The following KIAA1217 variants were observed in gnomAD, a reference collection of about 807,000 sequenced individuals.
The protein encoded by KIAA1217 is KIAA1217.
A neutral mutation model predicts 163.9 loss-of-function variants in KIAA1217; 88 were observed. The ratio of observed to expected loss-of-function variants is 0.54; its 90% CI spans 0.45 to 0.64. KIAA1217 has a LOEUF of 0.64. Ranked by LOEUF, KIAA1217 falls within the 30% of genes least tolerant of loss-of-function variation. The probability of loss-of-function intolerance (pLI) is 0.00; values close to 1 mark genes in which losing one functional copy is unlikely to be tolerated. For synonymous variants in KIAA1217, 903 were observed against 923.1 expected (o/e 0.98, Z 0.39); for missense variants, 2,372 against 2,475.0 (o/e 0.96, Z 0.88).
chr10:24,183,720 A>G (rs2066288764), intron 2 of KIAA1217, among the ~76,000 whole-genome samples: 2 of 152,186 alleles, frequency 1.3e-5, no homozygotes, highest in South Asian at 4.1e-4. Context: ...GGAAACAACC[A>G]TTTATTCCCA....
In KIAA1217 at chr10:24,082,487, C is replaced by G. The variant is rs1168602155; in HGVS notation, c.-171+75113C>G. On this transcript the variant is annotated intron_variant, in intron 2 of 18. Coordinates refer to the KIAA1217 transcript ENST00000376462. ...TTCAGCTCCCACTTATAAGTGAGAA[C>G]ATGCGGTGTTTGGTTTTCTGTTTCT... Among the ~76,000 whole-genome samples the G allele has an allele frequency of 2.6e-5, 4 of 152,106 alleles. No homozygotes were observed. In the South Asian group the frequency reaches 8.3e-4, roughly 32 times the overall value.
chr10:23,891,304 T>A lies in KIAA1217; in HGVS notation c.-320-115921T>A, dbSNP rs568441827. On this transcript the variant is annotated intron_variant, in intron 1 of 18. Coordinates refer to the KIAA1217 transcript ENST00000376462. ...TTCCCTTTATTCTTTTAATGTTTCT[T>A]TACTGTCTTCTTATTTTCTTTGTTG... Among the ~76,000 whole-genome samples the A allele has an allele frequency of 2.6e-5, 4 of 152,118 alleles. No individual in the cohort carries two copies. In the South Asian group the frequency reaches 8.3e-4, roughly 31 times the overall value.
chr10:23,899,691 T>G (rs1841873256), intron 1 of KIAA1217, among the ~76,000 whole-genome samples: 1 of 152,068 alleles, frequency 6.6e-6, no homozygotes. Flanking sequence ...AAAGGTATCA[T>G]GCGGTCCATA....
At chr10:23,744,591 T>C (rs538896669) in intron 1 of KIAA1217, among the ~76,000 whole-genome samples, 1 of 152,290 alleles carries the variant, frequency 6.6e-6, no homozygotes, top group South Asian at 2.1e-4. Context: ...CCCTGGGAAG[T>C]ACGTGGAAAA....
chr10:24,412,750 A>C (rs1052060786), intron 3 of KIAA1217, among the ~76,000 whole-genome samples: 2 of 152,190 alleles, frequency 1.3e-5, no homozygotes, highest in African/African-American at 4.8e-5. Flanking sequence ...CATCGGTGTG[A>C]ATGGATCCTG....
chr10:24,144,889 T>G (rs994194607), intron 2 of KIAA1217, among the ~76,000 whole-genome samples: 11 of 152,238 alleles, frequency 7.2e-5, no homozygotes, highest in African/African-American at 2.7e-4. Context: ...CTCACATTCT[T>G]GATAATTTGT....
chr10:24,282,895 G>A (rs1184452048), intron 2 of KIAA1217, among the ~76,000 whole-genome samples: 9 of 133,024 alleles, frequency 6.8e-5, no homozygotes, highest in South Asian at 2.5e-4. Flanking sequence ...GTGCAATGGC[G>A]CAATCTCGGC....
chr10:24,228,954 A>G (rs928826977), intron 2 of KIAA1217, among the ~76,000 whole-genome samples: 2 of 152,232 alleles, frequency 1.3e-5, no homozygotes, highest in Non-Finnish European at 2.9e-5. Flanking sequence ...AATTGTATCA[A>G]ATCAAATTGC....
At chr10:24,232,502 A>G (rs1356224252) in intron 2 of KIAA1217, among the ~76,000 whole-genome samples, 1 of 152,188 alleles carries the variant, frequency 6.6e-6, no homozygotes, top group Non-Finnish European at 1.5e-5. Flanking sequence ...TAGGTGGGGA[A>G]GTATGGAAAG....
intron 2 of KIAA1217, among the ~76,000 whole-genome samples, chr10:24,114,172 AGTCTGAGGAAC>A (rs1012873890): frequency 6.6e-6 from 1 of 152,102 alleles, no homozygotes; most frequent in Non-Finnish European, 1.5e-5. Flanking sequence ...GCTGCAAGGG[AGTCTGAGGAAC>A]GTCCTTGTTA....
At chr10:23,886,637 G>C (rs1464847607) in intron 1 of KIAA1217, among the ~76,000 whole-genome samples, 1 of 151,972 alleles carries the variant, frequency 6.6e-6, no homozygotes, top group Non-Finnish European at 1.5e-5. Context: ...AGTTGAACAG[G>C]AGAAACACAA....
chr10:23,962,126 G>A (rs1176964543), intron 1 of KIAA1217, among the ~76,000 whole-genome samples: 4 of 152,324 alleles, frequency 2.6e-5, no homozygotes, highest in East Asian at 1.9e-4. Context: ...CCGTCTGGCC[G>A]TGCAGGCTGA....
intron 3 of KIAA1217, among the ~76,000 whole-genome samples, chr10:24,398,200 A>C (rs915904806): frequency 1.3e-5 from 2 of 152,216 alleles, no homozygotes; most frequent in Non-Finnish European, 2.9e-5. Context: ...TTTTTACCAT[A>C]AAGTAAGCTA....
In KIAA1217 at chr10:23,797,700, A is replaced by T. The variant is rs556572520; in HGVS notation, c.-321+102466A>T. Among the ~76,000 whole-genome samples the T allele has an allele frequency of 4.6e-5, 7 of 152,250 alleles. No homozygotes were observed. The East Asian group carries it at 1.2e-3, about 25-fold the overall frequency. On this transcript the variant is annotated intron_variant, in intron 1 of 18. Transcript: ENST00000376462. ...ATTTAAACCACCAACTGTCATGAGAACTCACTCACTATCATGAAAACAAGG... is the reference window on the plus strand; with the variant it reads ...ATTTAAACCACCAACTGTCATGAGATCTCACTCACTATCATGAAAACAAGG...
chr10:23,971,172 G>A (rs1310140630), intron 1 of KIAA1217, among the ~76,000 whole-genome samples: 4 of 152,100 alleles, frequency 2.6e-5, no homozygotes, highest in African/African-American at 7.2e-5. Flanking sequence ...GAGGGGCCGC[G>A]TGCACAGTGT....
intron 15 of KIAA1217, 89 bp from the exon 16 acceptor site, chr10:24,532,981 C>A: frequency 3.3e-6 from 4 of 1,213,680 alleles, no homozygotes; most frequent in Non-Finnish European, 4.6e-6. Context: ...AGCAAGTGTT[C>A]TAGACAGTGA....
chr10:23,782,529 C>G (rs1332664525), intron 1 of KIAA1217, among the ~76,000 whole-genome samples: 8 of 152,100 alleles, frequency 5.3e-5, no homozygotes, highest in Admixed American at 3.3e-4. Context: ...GCCTCCCAGT[C>G]TCTAGTAATT....
chr10:23,952,625 C>G (rs900890234), intron 1 of KIAA1217, among the ~76,000 whole-genome samples: 4 of 152,176 alleles, frequency 2.6e-5, no homozygotes, highest in African/African-American at 7.2e-5. Flanking sequence ...AGCTTTAGCT[C>G]TGCCATCTAG....
chr10:23,722,715 A>T (rs1837935810), intron 1 of KIAA1217, among the ~76,000 whole-genome samples: 1 of 152,188 alleles, frequency 6.6e-6, no homozygotes, highest in African/African-American at 2.4e-5. Context: ...CCAATGAGGA[A>T]ACTGATGCTC....
Sources: gnomAD v4.1 joint callset for allele counts (sites outside exome capture counted in the v4.1 genomes callset) on GRCh38, gnomAD v4.1.1 for gene constraint, MANE v1.5 for transcripts, NCBI Gene and HGNC (gene_info 2026-07-23, HGNC 2026-07-21) for gene names.